The following CFAP47 variants were observed in gnomAD, a reference collection of about 807,000 sequenced individuals.
CFAP47 encodes cilia- and flagella-associated protein 47.
In CFAP47, 29 loss-of-function variants were observed where a neutral mutation model predicts 148.1. The ratio of observed to expected loss-of-function variants is 0.20; its 90% CI spans 0.15 to 0.27. CFAP47 has a LOEUF of 0.27. Ranked by LOEUF, CFAP47 falls within the 10% of genes least tolerant of loss-of-function variation. The pLI is 1.00. For missense variants in CFAP47, 1,872 were observed against 1,697.5 expected (o/e 1.10, Z -1.81); for synonymous variants, 664 against 577.3 (o/e 1.15, Z -2.15).
intron 2 of CFAP47, among the ~76,000 whole-genome samples, chrX:35,926,830 C>G (rs1033239847): frequency 9.0e-6 from 1 of 110,507 alleles, no homozygotes; most frequent in Non-Finnish European, 1.9e-5. Context: ...TAGATATATA[C>G]CTTTTACAAA....
chrX:36,060,433 G>T (rs919435328), intron 26 of CFAP47, among the ~76,000 whole-genome samples: 1 of 111,502 alleles, frequency 9.0e-6, no homozygotes, highest in Non-Finnish European at 1.9e-5. Context: ...AGACCCTAAA[G>T]AGAGATTTTG....
intron 46 of CFAP47, 143 bp from the exon 47 acceptor site, chrX:36,235,791 A>G (rs782008726): frequency 2.2e-4 from 77 of 349,680 alleles, no homozygotes; most frequent in African/African-American, 1.6e-3. Context: ...ATTCTTAACA[A>G]ATATGACTTT....
chrX:35,988,645 T>C (rs180855759), intron 15 of CFAP47, among the ~76,000 whole-genome samples: 1 of 112,136 alleles, frequency 8.9e-6, no homozygotes, highest in East Asian at 2.8e-4. Flanking sequence ...TCTCAGGGGC[T>C]TCTGCCTTTC....
In CFAP47 at chrX:36,303,916, A is replaced by C. The variant is rs1235299595; in HGVS notation, c.8038A>C (p.Ser2680Arg). The change falls in exon 54 of 64, where the codon AGT becomes CGT. Residue 2680 changes from serine to arginine, a missense_variant. Ser to Arg is a moderately radical substitution (Grantham distance 110, BLOSUM62 -1). Transcript: ENST00000378653. ...AACCTTAAAATTGCAAGTAACAAAC[A>C]GTAATCCTGAAAATTTTGTCCTGGA... Reference protein sequence around the residue: ...HETLKLQVTNSNPENFVLDIN... With the variant: ...HETLKLQVTNRNPENFVLDIN... The C allele has an allele frequency of 3.5e-6, 4 of 1,142,135 alleles. No individual in the cohort carries two copies. The Admixed American group carries it at 8.1e-5, about 23-fold the overall frequency. 94.1% of individuals were successfully genotyped at this position (1,142,135 alleles called of 1,213,427 possible).
rs189395292 is a variant in CFAP47, at chrX:36,278,714, G to A, written c.7445-1773G>A. ...TGCAGACCGGAGCTGTTCCTATTTGGCCACCTTGGAACAGACCCCAAATGT... is the reference window on the plus strand; with the variant it reads ...TGCAGACCGGAGCTGTTCCTATTTGACCACCTTGGAACAGACCCCAAATGT... On this transcript the variant is annotated intron_variant, in intron 49 of 63. Coordinates refer to ENST00000378653, the MANE Select transcript of CFAP47 (RefSeq NM_001304548.2). 8.0e-4 allele frequency among the ~76,000 whole-genome samples: 90 copies of A among 112,289 alleles called. 1 individual carries two copies. Among genetic ancestry groups the A allele is most frequent in the African/African-American group, 2.8e-3 (86 of 30,906 alleles).
Position 36,083,040 on chromosome X carries a change from C to A in CFAP47, c.4692-2274C>A, listed in dbSNP as rs927396059. Among the ~76,000 whole-genome samples, 13 of 110,928 alleles carry A rather than the reference C, an allele frequency of 1.2e-4. No individual in the cohort carries two copies. In the East Asian group the frequency reaches 3.7e-3, roughly 31 times the overall value. On this transcript the variant is annotated intron_variant, in intron 29 of 63. Coordinates refer to ENST00000378653, the MANE Select transcript of CFAP47 (RefSeq NM_001304548.2). ...TAATATAGTTATGTATTTCTAATTT[C>A]ATTAATCATATTCACCAACTCTTTT... is the stretch of plus-strand genomic sequence containing the variant.
At chrX:36,241,349 C>T (rs1274969533) in intron 48 of CFAP47, among the ~76,000 whole-genome samples, 1 of 111,757 alleles carries the variant, frequency 8.9e-6, no homozygotes, top group Non-Finnish European at 1.9e-5. Flanking sequence ...CCCCATCTCC[C>T]TTCTAGAAGC....
chrX:35,931,475 A>G (rs1313595598), intron 2 of CFAP47, among the ~76,000 whole-genome samples: 1 of 111,399 alleles, frequency 9.0e-6, no homozygotes, highest in African/African-American at 3.3e-5. Context: ...CCTTCCCCAT[A>G]TTTCGACCTC....
chrX:36,152,849 T>C (rs981218178), intron 37 of CFAP47, among the ~76,000 whole-genome samples: 1 of 111,278 alleles, frequency 9.0e-6, no homozygotes, highest in Non-Finnish European at 1.9e-5. Context: ...TCACTCCTCT[T>C]GTAATTAGGT....
chrX:36,133,685 A>C (rs1412186027), intron 33 of CFAP47, among the ~76,000 whole-genome samples: 1 of 110,097 alleles, frequency 9.1e-6, no homozygotes. Context: ...TGAGATTTAG[A>C]GGGGACATTC....
At chrX:36,273,045 G>T (rs921427483) in intron 49 of CFAP47, among the ~76,000 whole-genome samples, 1 of 111,267 alleles carries the variant, frequency 9.0e-6, no homozygotes, top group African/African-American at 3.3e-5. Flanking sequence ...AATGGGCCCA[G>T]TGAGTAATTA....
chrX:36,239,113 A>C (rs937303459), intron 48 of CFAP47, among the ~76,000 whole-genome samples: 6 of 112,644 alleles, frequency 5.3e-5, no homozygotes, highest in Non-Finnish European at 9.4e-5. Flanking sequence ...CATAAATGAG[A>C]TATAGGTAAA....
In CFAP47 at chrX:36,344,894, T is replaced by A. The variant is rs182838700; in HGVS notation, c.8444-3235T>A. ...ATGAAATCTCCATAAACTATACTCT[T>A]AATAACATTTGCACTTATGACCTGT... On this transcript the variant is annotated intron_variant, in intron 57 of 63. Transcript: ENST00000378653. 2.1e-4 allele frequency among the ~76,000 whole-genome samples: 24 copies of A among 112,016 alleles called. No individual in the cohort carries two copies. In the East Asian group the frequency reaches 5.3e-3, roughly 25 times the overall value.
At chrX:36,328,787 G>A (rs1357681045) in intron 57 of CFAP47, among the ~76,000 whole-genome samples, 1 of 98,724 alleles carries the variant, frequency 1.0e-5, no homozygotes, top group Non-Finnish European at 2.0e-5. Flanking sequence ...TCCGCAGTCC[G>A]GCCTGGGTGA....
chrX:35,979,480 T>C (rs1936613719), intron 15 of CFAP47, among the ~76,000 whole-genome samples: 1 of 110,100 alleles, frequency 9.1e-6, no homozygotes, highest in Non-Finnish European at 1.9e-5. Flanking sequence ...TGCTTGGTTG[T>C]ATGCAGTACC....
chrX:36,256,075 T>C (rs1334136442), intron 49 of CFAP47, among the ~76,000 whole-genome samples: 2 of 111,975 alleles, frequency 1.8e-5, no homozygotes, highest in African/African-American at 3.2e-5. Context: ...ACCTATCTGG[T>C]ATAGATAAAT....
At position 36,300,588 on chromosome X, in the gene CFAP47, C is replaced by T. The variant is rs185165923; in HGVS notation, c.7863-484C>T. Among the ~76,000 whole-genome samples, 12 of 111,838 alleles carry T rather than the reference C, an allele frequency of 1.1e-4. No homozygotes were observed. The Admixed American group carries it at 1.1e-3, about 11-fold the overall frequency. ...ACAGGCATGAGCCACCACGTCCGGTCCCCAGTTATACTTGTTTAGACTGTC... is the reference window on the plus strand; with the variant it reads ...ACAGGCATGAGCCACCACGTCCGGTTCCCAGTTATACTTGTTTAGACTGTC... On this transcript the variant is annotated intron_variant, in intron 52 of 63. Transcript: ENST00000378653.
At chrX:36,139,009 T>A (rs7063671) in intron 35 of CFAP47, among the ~76,000 whole-genome samples, 4,842 of 111,433 alleles carry the variant, frequency 0.043, 275 homozygotes, top group African/African-American at 0.15. Context: ...TTTTGTTTGT[T>A]ACTTAGGGGC....
chrX:35,929,467 A>T (rs752682024), intron 2 of CFAP47, among the ~76,000 whole-genome samples: 6 of 111,767 alleles, frequency 5.4e-5, no homozygotes, highest in Non-Finnish European at 1.1e-4. Flanking sequence ...TTGTTGCTAT[A>T]TACAGAGAAG....
Sources: gnomAD v4.1 joint callset for allele counts (sites outside exome capture counted in the v4.1 genomes callset) on GRCh38, gnomAD v4.1.1 for gene constraint, MANE v1.5 for transcripts, NCBI Gene and HGNC (gene_info 2026-07-23, HGNC 2026-07-21) for gene names.